Variants in MAP4K4 observed in about 807,000 individuals in gnomAD.
MAP4K4 encodes the protein HPK/GCK-like kinase HGK.
A neutral mutation model predicts 189.6 loss-of-function variants in MAP4K4; 38 were observed. That is an observed-to-expected ratio of 0.20 (90% CI 0.15 to 0.26). The LOEUF (loss-of-function observed/expected upper bound fraction) is 0.26. MAP4K4 is among the 10% of genes least tolerant of loss of function. The probability of loss-of-function intolerance (pLI) is 1.00; values close to 1 mark genes in which losing one functional copy is unlikely to be tolerated. For missense variants in MAP4K4, 1,054 were observed against 1,726.9 expected (o/e 0.61, Z 6.91); for synonymous variants, 610 against 624.3 (o/e 0.98, Z 0.34).
intron 2 of MAP4K4, among the ~76,000 whole-genome samples, chr2:101,728,187 A>G (rs766231219): frequency 1.3e-5 from 2 of 152,196 alleles, no homozygotes; most frequent in African/African-American, 2.4e-5. Context: ...TTGTCATAGC[A>G]TATTTCTCTG....
intron 2 of MAP4K4, among the ~76,000 whole-genome samples, chr2:101,760,420 C>T (rs985302696): frequency 5.4e-5 from 8 of 148,092 alleles, no homozygotes; most frequent in Admixed American, 4.8e-4. Flanking sequence ...ACCTGGGAGG[C>T]AGAGGTTGTA....
At chr2:101,891,262 C>A in exon 33 of MAP4K4, 2 of 1,608,192 alleles carry the variant, frequency 1.2e-6, no homozygotes, top group Non-Finnish European at 1.7e-6. Flanking sequence ...GCAGTGTGAT[C>A]CAGGGATTAC....
At chr2:101,874,945 A>T (rs1481731026) in intron 26 of MAP4K4, among the ~76,000 whole-genome samples, 2 of 152,150 alleles carry the variant, frequency 1.3e-5, no homozygotes, top group Non-Finnish European at 2.9e-5. Flanking sequence ...CTTGAGGTTG[A>T]TGTTTATATG....
intron 2 of MAP4K4, among the ~76,000 whole-genome samples, chr2:101,726,603 T>A (rs149337449): frequency 2.4e-3 from 369 of 152,338 alleles, no homozygotes; most frequent in African/African-American, 8.5e-3. Flanking sequence ...GTTTAGCCGA[T>A]GCTTTGTATT....
chr2:101,809,821 A>C (rs2095295831), intron 3 of MAP4K4, among the ~76,000 whole-genome samples: 1 of 152,212 alleles, frequency 6.6e-6, no homozygotes, highest in African/African-American at 2.4e-5. Context: ...ACAGCTGTGC[A>C]ATTTTTGTGT....
chr2:101,882,241 C>T (rs1036067251), intron 27 of MAP4K4, among the ~76,000 whole-genome samples: 6 of 152,204 alleles, frequency 3.9e-5, no homozygotes, highest in Admixed American at 1.3e-4. Flanking sequence ...CACGTTATTA[C>T]TGGTGAGAAT....
intron 2 of MAP4K4, among the ~76,000 whole-genome samples, chr2:101,777,496 C>G (rs768846861): frequency 6.6e-6 from 1 of 151,996 alleles, no homozygotes. Flanking sequence ...CACAAGGTCC[C>G]GCAGGGCGAG....
At chr2:101,826,427 T>C (rs1480398066) in intron 5 of MAP4K4, among the ~76,000 whole-genome samples, 1 of 151,892 alleles carries the variant, frequency 6.6e-6, no homozygotes, top group Non-Finnish European at 1.5e-5. Context: ...TTGTGAAGGG[T>C]GGGGTAGGGT....
chr2:101,728,461 A>C (rs1036136081), intron 2 of MAP4K4, among the ~76,000 whole-genome samples: 1 of 152,154 alleles, frequency 6.6e-6, no homozygotes. Context: ...TCAAACCTAT[A>C]GTAAAGTTGA....
At chr2:101,785,313 T>G (rs2090080339) in intron 2 of MAP4K4, among the ~76,000 whole-genome samples, 1 of 152,182 alleles carries the variant, frequency 6.6e-6, no homozygotes, top group Non-Finnish European at 1.5e-5. Flanking sequence ...CACGTGCACT[T>G]TCTTGCTAAG....
intron 2 of MAP4K4, among the ~76,000 whole-genome samples, chr2:101,748,725 G>A (rs1362479668): frequency 6.6e-6 from 1 of 152,046 alleles, no homozygotes; most frequent in African/African-American, 2.4e-5. Flanking sequence ...AATTGTCCCT[G>A]TTTGCAGATG....
intron 3 of MAP4K4, among the ~76,000 whole-genome samples, chr2:101,795,991 A>G (rs1326467393): frequency 3.3e-5 from 5 of 152,180 alleles, no homozygotes; most frequent in Admixed American, 3.3e-4. Flanking sequence ...AAGGACAAAC[A>G]TTTCTTAGGT....
At chr2:101,835,363 TA>T (rs1481024452) in intron 8 of MAP4K4, among the ~76,000 whole-genome samples, 2 of 152,254 alleles carry the variant, frequency 1.3e-5, no homozygotes, top group Non-Finnish European at 2.9e-5. Flanking sequence ...CATGTGTGCC[TA>T]ACACACCTTT....
chr2:101,709,449 C>T (rs375053571), intron 2 of MAP4K4, among the ~76,000 whole-genome samples: 16 of 152,168 alleles, frequency 1.1e-4, no homozygotes, highest in African/African-American at 3.4e-4. Context: ...GTGATCTGCC[C>T]GCCTCGGCCT....
At chr2:101,738,113 A>T (rs1223782411) in intron 2 of MAP4K4, among the ~76,000 whole-genome samples, 1 of 152,072 alleles carries the variant, frequency 6.6e-6, no homozygotes, top group Non-Finnish European at 1.5e-5. Context: ...ACAGGGAGAA[A>T]CTGTCTTAAA....
intron 3 of MAP4K4, 70 bp downstream of exon 3, chr2:101,790,846 G>A (rs1413687701): frequency 1.2e-5 from 15 of 1,275,226 alleles, no homozygotes; most frequent in East Asian, 7.4e-5. Context: ...ACAACACAGA[G>A]TATTACTCTG....
intron 2 of MAP4K4, among the ~76,000 whole-genome samples, chr2:101,766,922 C>T (rs1014758154): frequency 6.6e-6 from 1 of 152,134 alleles, no homozygotes; most frequent in Non-Finnish European, 1.5e-5. Context: ...AGGGTGGGAG[C>T]GGGCTCTAGC....
At chr2:101,787,553 C>T (rs140814532) in intron 2 of MAP4K4, among the ~76,000 whole-genome samples, 131 of 152,246 alleles carry the variant, frequency 8.6e-4, no homozygotes, top group African/African-American at 3.0e-3. Flanking sequence ...CCACCCTGAG[C>T]GGAGAGTCAG....
chr2:101,750,195 A>G (rs901339071), intron 2 of MAP4K4, among the ~76,000 whole-genome samples: 3 of 148,982 alleles, frequency 2.0e-5, no homozygotes, highest in Admixed American at 6.7e-5. Flanking sequence ...ATGCTGCTAT[A>G]AAGACACATG....
Sources: allele counts gnomAD v4.1 joint callset (sites outside exome capture counted in the v4.1 genomes callset), GRCh38; gene constraint gnomAD v4.1.1; transcripts MANE v1.5; gene names NCBI Gene and HGNC (gene_info 2026-07-23, HGNC 2026-07-21).